The following PDGFC variants were observed in gnomAD, a reference collection of about 807,000 sequenced individuals.
PDGFC encodes platelet-derived growth factor C.
PDGFC carries 12 observed loss-of-function variants against 35.5 expected under a neutral mutation model. The observed-to-expected ratio is 0.34, with a 90% CI of 0.22 to 0.55. PDGFC has a LOEUF of 0.55. Ranked by LOEUF, PDGFC falls within the 20% of genes least tolerant of loss-of-function variation. The probability of loss-of-function intolerance (pLI) is 0.91; values close to 1 mark genes in which losing one functional copy is unlikely to be tolerated. For synonymous variants in PDGFC, 159 were observed against 148.8 expected, an observed-to-expected ratio of 1.07 and a Z score of -0.50; for missense variants, 322 against 412.4, an observed-to-expected ratio of 0.78 and a Z score of 1.90.
intron 4 of PDGFC, among the ~76,000 whole-genome samples, chr4:156,771,318 C>T (rs576883238): frequency 6.6e-6 from 1 of 152,104 alleles, no homozygotes; most frequent in Non-Finnish European, 1.5e-5. Context: ...TGATTCACTG[C>T]CCCTGCTTCT....
intron 2 of PDGFC, among the ~76,000 whole-genome samples, chr4:156,833,294 T>C (rs1728988154): frequency 6.6e-6 from 1 of 152,242 alleles, no homozygotes; most frequent in African/African-American, 2.4e-5. Flanking sequence ...ATGCTTCTAC[T>C]GTGTAACTCA....
chr4:156,948,648 T>A (rs1291620757), intron 1 of PDGFC, among the ~76,000 whole-genome samples: 1 of 151,974 alleles, frequency 6.6e-6, no homozygotes, highest in Non-Finnish European at 1.5e-5. Flanking sequence ...TATAGGAAAT[T>A]TGGAAAATAC....
At chr4:156,801,829 T>C (rs1230943907) in intron 3 of PDGFC, among the ~76,000 whole-genome samples, 3 of 152,190 alleles carry the variant, frequency 2.0e-5, no homozygotes, top group Admixed American at 6.5e-5. Context: ...GAACCCCAAT[T>C]CATTATGCTA....
rs1432597721 is a variant in PDGFC at position 156,762,008 on chromosome 4, A to G, written c.*1082T>C. On this transcript the variant is annotated 3_prime_UTR_variant, in exon 6 of 6. Transcript: ENST00000502773. ...TAGTAATGGCTGGATCTGAATGTCT[A>G]CTTTCATAAGTTGCTTTTTATTTTC... The G allele has an allele frequency of 1.3e-5, 2 of 152,662 alleles. No individual in the cohort carries two copies. Among genetic ancestry groups the G allele is most frequent in the African/African-American group, 4.8e-5 (2 of 41,472 alleles). 9.5% of individuals were successfully genotyped at this position (152,662 alleles called of 1,614,324 possible).
chr4:156,853,440 T>C (rs940813240), intron 1 of PDGFC, among the ~76,000 whole-genome samples: 2 of 152,192 alleles, frequency 1.3e-5, no homozygotes, highest in Admixed American at 6.5e-5. Flanking sequence ...AACTGAATGC[T>C]ACCAATCTTC....
intron 1 of PDGFC, among the ~76,000 whole-genome samples, chr4:156,969,171 T>G (rs769618480): frequency 6.6e-6 from 1 of 152,196 alleles, no homozygotes; most frequent in African/African-American, 2.4e-5. Context: ...TATTGTGCAT[T>G]GTTGTCATTA....
intron 3 of PDGFC, among the ~76,000 whole-genome samples, chr4:156,786,555 C>A (rs544811892): frequency 1.3e-5 from 2 of 151,984 alleles, no homozygotes; most frequent in African/African-American, 4.8e-5. Context: ...AAGGAGGGGA[C>A]GCTGTGGCTG....
intron 2 of PDGFC, among the ~76,000 whole-genome samples, chr4:156,836,829 T>A (rs1180543089): frequency 6.6e-6 from 1 of 152,222 alleles, no homozygotes; most frequent in African/African-American, 2.4e-5. Context: ...TTTTTAGTCA[T>A]TGTGACAAAA....
Position 156,871,918 on chromosome 4 carries a change from T to C in PDGFC, c.119-21502A>G, listed in dbSNP as rs1041242471. On this transcript the variant is annotated intron_variant, in intron 1 of 5. Transcript: ENST00000502773. ...CTTATACTTCTGTACTACTGCTTAC[T>C]AGATAACGCTAAAGGCTATTTCTCA... Among the ~76,000 whole-genome samples the C allele has an allele frequency of 9.9e-5, 15 of 152,004 alleles. No homozygotes were observed. In the East Asian group the frequency reaches 2.7e-3, roughly 27 times the overall value.
At chr4:156,823,817 T>C (rs1195966533) in intron 2 of PDGFC, among the ~76,000 whole-genome samples, 2 of 152,172 alleles carry the variant, frequency 1.3e-5, no homozygotes, top group Non-Finnish European at 2.9e-5. Context: ...GTAACTATGA[T>C]ATTAAAGCAA....
intron 2 of PDGFC, among the ~76,000 whole-genome samples, chr4:156,815,928 C>T (rs1360381123): frequency 6.6e-6 from 1 of 152,166 alleles, no homozygotes; most frequent in Non-Finnish European, 1.5e-5. Flanking sequence ...TAACACACCC[C>T]TGGGGACCTG....
Position 156,760,580 on chromosome 4 carries a change from T to C in PDGFC, c.*2510A>G, listed in dbSNP as rs1413371472. On this transcript the variant is annotated 3_prime_UTR_variant, in exon 6 of 6. Coordinates refer to ENST00000502773, the MANE Select transcript of PDGFC (RefSeq NM_016205.3). ...TGTGGTCAATACAGTCAATACTTAC[T>C]GTACTTCTCAGAAATTAGGGTCATG... The C allele has an allele frequency of 6.6e-6, 1 of 152,188 alleles. No individual in the cohort carries two copies. The highest frequency in any genetic ancestry group is 1.5e-5 in the Non-Finnish European group (1 of 68,056). The allele number at this position is 152,188 out of a possible 1,614,324, so 9.4% of individuals were successfully genotyped here. A position where few individuals can be genotyped will look rare whatever the true frequency, so the allele number is the denominator to read the frequency against.
chr4:156,762,228 A>G lies in PDGFC; in HGVS notation c.*862T>C, dbSNP rs1730396355. 6.6e-6 allele frequency: 1 copy of G among 152,626 alleles called. No homozygotes were observed. Among genetic ancestry groups the G allele is most frequent in the Non-Finnish European group, 1.5e-5 (1 of 68,040 alleles). 9.5% of individuals were successfully genotyped at this position (152,626 alleles called of 1,614,324 possible). A position where few individuals can be genotyped will look rare whatever the true frequency, so the allele number is the denominator to read the frequency against. ...CATCTTTGTTCCTCTGGCTATAACA[A>G]TTGTGTTTAGAAAAATTTACCAAGC... is the stretch of plus-strand genomic sequence containing the variant. On this transcript the variant is annotated 3_prime_UTR_variant, in exon 6 of 6. Transcript: ENST00000502773.
intron 1 of PDGFC, among the ~76,000 whole-genome samples, chr4:156,925,832 C>A (rs964054075): frequency 5.3e-5 from 8 of 151,252 alleles, no homozygotes; most frequent in African/African-American, 1.9e-4. Context: ...GGGTAGACTG[C>A]CTGAGCCCAG....
At chr4:156,940,711 T>C (rs1340684631) in intron 1 of PDGFC, among the ~76,000 whole-genome samples, 2 of 151,968 alleles carry the variant, frequency 1.3e-5, no homozygotes, top group South Asian at 2.1e-4. Context: ...TAATAAGAGG[T>C]GTTTTTTTGC....
In PDGFC at chr4:156,763,116, C is replaced by A; in HGVS notation, c.1012G>T (p.Val338Leu). Residue 338 changes from valine to leucine, a missense_variant, in exon 6 of 6, where the codon GTG (valine) becomes TTG (leucine). By Grantham distance (32) the Val-to-Leu change is conservative. Coordinates refer to ENST00000502773, the MANE Select transcript of PDGFC (RefSeq NM_016205.3). ...ALEHHEECDCVCRGSTGG is the reference protein window; with the variant it reads ...ALEHHEECDCLCRGSTGG ...TATCCTCCTGTGCTCCCTCTGCACA[C>A]ACAGTCACACTCCTCATGGTGCTCC... The A allele has an allele frequency of 6.2e-7, 1 of 1,607,442 alleles. No homozygotes were observed. The highest frequency in any genetic ancestry group is 1.1e-5 in the South Asian group (1 of 90,910).
chr4:156,866,930 T>A (rs141209070), intron 1 of PDGFC, among the ~76,000 whole-genome samples: 61 of 152,236 alleles, frequency 4.0e-4, no homozygotes, highest in Admixed American at 2.9e-3. Flanking sequence ...CATATAATGC[T>A]CTGGAATCAT....
chr4:156,767,740 C>T lies in PDGFC; in HGVS notation c.921+33G>A, dbSNP rs200437144. 9.3e-4 allele frequency: 1,294 copies of T among 1,394,552 alleles called. 3 individuals carry two copies. The highest frequency in any genetic ancestry group is 1.2e-3 in the Non-Finnish European group (1,186 of 981,512). The allele number at this position is 1,394,552 out of a possible 1,614,324, so 86.4% of individuals were successfully genotyped here. On this transcript the variant is annotated intron_variant, in intron 5 of 5. Coordinates refer to ENST00000502773, the MANE Select transcript of PDGFC (RefSeq NM_016205.3). ...GTTTTGTTCTAAGACATAAAATACCCGAAGGAAACCAAAAAGAAAATTGTA... is the reference window on the plus strand; with the variant it reads ...GTTTTGTTCTAAGACATAAAATACCTGAAGGAAACCAAAAAGAAAATTGTA...
intron 2 of PDGFC, among the ~76,000 whole-genome samples, chr4:156,812,158 GA>G (rs1414989543): frequency 1.2e-4 from 18 of 151,674 alleles, no homozygotes; most frequent in Non-Finnish European, 2.4e-4. Flanking sequence ...TACTCACTTG[GA>G]AAAACATGTC....
Sources: allele counts gnomAD v4.1 joint callset (sites outside exome capture counted in the v4.1 genomes callset), GRCh38; gene constraint gnomAD v4.1.1; transcripts MANE v1.5; gene names NCBI Gene and HGNC (gene_info 2026-07-23, HGNC 2026-07-21).